TRIM16: variants seen among roughly 807,000 people sequenced by gnomAD.
TRIM16 encodes tripartite motif-containing protein 16.
TRIM16 carries 33 observed loss-of-function variants against 50.4 expected under a neutral mutation model. That is an observed-to-expected ratio of 0.65 (90% confidence interval 0.50 to 0.88). TRIM16 has a LOEUF of 0.88. TRIM16 is among the 40% of genes least tolerant of loss of function. The pLI is 0.00. For missense variants in TRIM16, 581 were observed against 686.8 expected (o/e 0.85, Z 1.72); for synonymous variants, 229 against 270.7 (o/e 0.85, Z 1.51).
At chr17:15,652,285 T>C (rs1320114362) in intron 6 of TRIM16, among the ~76,000 whole-genome samples, 12 of 149,442 alleles carry the variant, frequency 8.0e-5, no homozygotes, top group Non-Finnish European at 3.0e-5. Flanking sequence ...GTAGCTGGGA[T>C]TACAGGCACC....
chr17:15,638,258 TA>T (rs535590168), intron 8 of TRIM16, among the ~76,000 whole-genome samples: 5,651 of 115,020 alleles, frequency 0.049, 352 homozygotes, highest in Non-Finnish European at 0.064. Context: ...AAAATAAATT[TA>T]AAAAAAAAAA....
chr17:15,679,709 G>A (rs1238745714), intron 4 of TRIM16, among the ~76,000 whole-genome samples: 18 of 152,084 alleles, frequency 1.2e-4, no homozygotes, highest in South Asian at 1.0e-3. Context: ...AGGCCGAGGC[G>A]GGCAGATCAC....
intron 6 of TRIM16, among the ~76,000 whole-genome samples, chr17:15,652,934 C>T (rs994203674): frequency 7.2e-5 from 11 of 152,256 alleles, no homozygotes; most frequent in African/African-American, 2.4e-4. Flanking sequence ...GCCCTTTTGC[C>T]CACTTAACGA....
chr17:15,639,370 T>A (rs1423731367), intron 8 of TRIM16, among the ~76,000 whole-genome samples: 1 of 148,586 alleles, frequency 6.7e-6, no homozygotes, highest in African/African-American at 2.5e-5. Context: ...CTCATTTTTA[T>A]GCCAACTTTT....
At chr17:15,650,741 C>G (rs919777730) in intron 7 of TRIM16, among the ~76,000 whole-genome samples, 1 of 152,144 alleles carries the variant, frequency 6.6e-6, no homozygotes, top group Non-Finnish European at 1.5e-5. Flanking sequence ...AGGGACATAT[C>G]ACCGCCCTAA....
intron 6 of TRIM16, among the ~76,000 whole-genome samples, chr17:15,671,131 T>C (rs1447242248): frequency 6.6e-6 from 1 of 152,268 alleles, no homozygotes; most frequent in Non-Finnish European, 1.5e-5. Context: ...GGAAGAGGAA[T>C]AAACTAGCAC....
chr17:15,631,662 C>G lies in TRIM16; in HGVS notation c.1068G>C (p.Trp356Cys), dbSNP rs1986428497. The G allele has an allele frequency of 2.5e-6, 4 of 1,613,840 alleles. No individual in the cohort carries two copies. The African/African-American group carries it at 4.0e-5, about 16-fold the overall frequency. Residue 356 changes from tryptophan to cysteine, a missense_variant, in exon 11 of 12, where the codon TGG (tryptophan) becomes TGC (cysteine). Physicochemically the swap from Trp to Cys is radical, Grantham distance 215. Around this residue, in one of 3 missense-constraint regions of TRIM16, gnomAD observed 450 missense variants for 544.3 expected, o/e 0.83. Coordinates refer to ENST00000649191, the MANE Select transcript of TRIM16 (RefSeq NM_001348119.1). ...TGGTGCTGGGCTCAGGTTTGGAAGT[C>G]CAATATTTGCGCTGAACAACGGCAG... ...QVSAVVQRKY[W>C]TSKPEPSTRE...
Position 15,651,171 on chromosome 17 carries a change from G to A in TRIM16, c.439C>T (p.Gln147Ter), listed in dbSNP as rs1987677206. The part of the protein sequence containing the change: ...PLSAFCCPDQ[Q>*]CICQDCCQEH... ...TGGCAACAGTCCTGGCAGATGCACT[G>A]CTGATCAGGGCAGCAGAAGGCAGAC... The change falls in exon 7 of 12, where the codon CAG becomes TAG. Residue 147 changes from glutamine (Q) to a stop codon, truncating the protein, a stop_gained. Coordinates refer to ENST00000649191, the MANE Select transcript of TRIM16 (RefSeq NM_001348119.1). LOFTEE classifies it high-confidence loss of function. 10 of 1,614,124 alleles carry A rather than the reference G, an allele frequency of 6.2e-6. No individual in the cohort carries two copies. Among genetic ancestry groups the A allele is most frequent in the African/African-American group, 1.3e-5 (1 of 74,942 alleles).
chr17:15,660,957 A>T lies in TRIM16; in HGVS notation c.-337-9011T>A, dbSNP rs56104277. Among the ~76,000 whole-genome samples the T allele has an allele frequency of 6.8e-3, 1,037 of 152,174 alleles. 11 individuals are homozygous for T. The highest frequency in any genetic ancestry group is 0.024 in the African/African-American group (992 of 41,518). ...GGGGGCTATTGCCTCCGTGAGAGCA[A>T]AATAACCACTGCCTTGTCAAGAGTA... On this transcript the variant is annotated intron_variant, in intron 6 of 11. Coordinates refer to ENST00000649191, the MANE Select transcript of TRIM16 (RefSeq NM_001348119.1).
rs574867027 is a variant in TRIM16 at position 15,672,293 on chromosome 17, C to A, written c.-338+4883G>T. Among the ~76,000 whole-genome samples, 508 of 148,442 alleles carry A rather than the reference C, an allele frequency of 3.4e-3. 5 individuals carry two copies. Among genetic ancestry groups the A allele is most frequent in the African/African-American group, 0.012 (479 of 39,892 alleles). On this transcript the variant is annotated intron_variant, in intron 6 of 11. Transcript: ENST00000649191. ...TCAGAACATTTACTATCTAAAGCCCCAAATCAAACCCCCACCCCAGACTTT... is the reference window on the plus strand; with the variant it reads ...TCAGAACATTTACTATCTAAAGCCCAAAATCAAACCCCCACCCCAGACTTT...
At chr17:15,650,900 C>A (rs1440132272) in intron 7 of TRIM16, among the ~76,000 whole-genome samples, 191 bp downstream of exon 7, 1 of 152,198 alleles carries the variant, frequency 6.6e-6, no homozygotes, top group African/African-American at 2.4e-5. Context: ...GAGCAACCTA[C>A]TCCACACAGT....
chr17:15,644,628 C>T (rs1987271112), intron 7 of TRIM16, among the ~76,000 whole-genome samples: 1 of 152,050 alleles, frequency 6.6e-6, no homozygotes, highest in African/African-American at 2.4e-5. Context: ...CAAACCCTTT[C>T]ATCATAGGGT....
chr17:15,683,101 A>G lies in TRIM16; in HGVS notation c.-842T>C. 3 of 1,550,592 alleles carry G rather than the reference A, an allele frequency of 1.9e-6. No individual in the cohort carries two copies. The highest frequency in any genetic ancestry group is 2.6e-6 in the Non-Finnish European group (3 of 1,146,994). Reference sequence around the variant, plus strand: ...AGCCTTTGCTTCACTATTTGGGTGTAGCAACCTTTCCGTTCTCCACGTATC... The same window carrying G: ...AGCCTTTGCTTCACTATTTGGGTGTGGCAACCTTTCCGTTCTCCACGTATC... On this transcript the variant is annotated 5_prime_UTR_variant, in exon 2 of 12. Transcript: ENST00000649191.
intron 6 of TRIM16, among the ~76,000 whole-genome samples, chr17:15,665,277 CTG>C (rs1261782030): frequency 2.6e-5 from 4 of 152,152 alleles, no homozygotes; most frequent in East Asian, 1.9e-4. Flanking sequence ...CTTTGGGAGG[CTG>C]CGGCGGGCAG....
chr17:15,681,634 T>C (rs1026821924), intron 3 of TRIM16, among the ~76,000 whole-genome samples: 2 of 152,246 alleles, frequency 1.3e-5, no homozygotes, highest in Non-Finnish European at 2.9e-5. Flanking sequence ...CTTCTGCTCA[T>C]AATTTACTTC....
chr17:15,635,888 G>A, intron 9 of TRIM16, 148 bp downstream of exon 9: 1 of 732,006 alleles, frequency 1.4e-6, no homozygotes, highest in Non-Finnish European at 2.2e-6. Flanking sequence ...TCTGCTGAAT[G>A]AAGAATCTGC....
intron 7 of TRIM16, chr17:15,643,048 T>G: frequency 1.2e-6 from 1 of 807,464 alleles, no homozygotes. Context: ...GATGCCGTGC[T>G]GCTCACCATT....
intron 9 of TRIM16, among the ~76,000 whole-genome samples, chr17:15,635,463 G>A (rs1986689269): frequency 6.8e-6 from 1 of 147,536 alleles, no homozygotes; most frequent in Non-Finnish European, 1.5e-5. Flanking sequence ...ATGATACATT[G>A]TAATGAAAAG....
chr17:15,632,400 T>A, intron 10 of TRIM16, 109 bp downstream of exon 10: 2 of 1,425,230 alleles, frequency 1.4e-6, no homozygotes, highest in South Asian at 1.7e-5. Context: ...AAAAAGAAAA[T>A]GAAACATTCC....
Sources: gnomAD v4.1 joint callset for allele counts (sites outside exome capture counted in the v4.1 genomes callset) on GRCh38, gnomAD v4.1.1 for gene constraint, gnomAD v4.1.1 regional missense constraint, MANE v1.5 for transcripts, NCBI Gene and HGNC (gene_info 2026-07-23, HGNC 2026-07-21) for gene names.